Variants in WT1 observed in about 807,000 individuals in gnomAD.
WT1 encodes WT1 transcription factor.
Under a neutral mutation model 60.8 loss-of-function variants are expected in WT1, and 8 were observed. The ratio of observed to expected loss-of-function variants is 0.13; its 90% confidence interval spans 0.08 to 0.24. The LOEUF (loss-of-function observed/expected upper bound fraction) is 0.24. Among genes scored for constraint, WT1 ranks in the 10% least tolerant of loss-of-function variants. WT1 has a pLI of 1.00. For synonymous variants in WT1, 312 were observed against 297.1 expected, an observed-to-expected ratio of 1.05 and a Z score of -0.52; for missense variants, 568 against 711.8, an observed-to-expected ratio of 0.80 and a Z score of 2.30.
chr11:32,389,231 A>C (rs778830651), intron 9 of WT1, 52 bp from the exon 10 acceptor site: 1 of 1,613,500 alleles, frequency 6.2e-7, no homozygotes, highest in South Asian at 1.1e-5. Flanking sequence ...GACAGGCACA[A>C]GTTCAACTAT....
intron 3 of WT1, among the ~76,000 whole-genome samples, chr11:32,417,944 A>C (rs1026822698): frequency 6.6e-6 from 1 of 152,152 alleles, no homozygotes; most frequent in African/African-American, 2.4e-5. Context: ...TTGAGGGGAA[A>C]AGGCTAAGGG....
intron 8 of WT1, among the ~76,000 whole-genome samples, 155 bp from the exon 9 acceptor site, chr11:32,392,219 G>A (rs1240448318): frequency 6.6e-6 from 1 of 152,152 alleles, no homozygotes; most frequent in East Asian, 1.9e-4. Context: ...AGTCCCCCAG[G>A]CCCAACAAGA....
intron 6 of WT1, among the ~76,000 whole-genome samples, chr11:32,397,910 T>C (rs1457381454): frequency 6.6e-6 from 1 of 152,218 alleles, no homozygotes; most frequent in Non-Finnish European, 1.5e-5. Flanking sequence ...TGGAGTGTTT[T>C]AGAGGCCATG....
At chr11:32,432,441 C>T (rs1853344757) in intron 1 of WT1, among the ~76,000 whole-genome samples, 1 of 152,224 alleles carries the variant, frequency 6.6e-6, no homozygotes, top group South Asian at 2.1e-4. Context: ...AGGATAGCAG[C>T]CGGAGCGCTT....
intron 3 of WT1, among the ~76,000 whole-genome samples, chr11:32,426,037 G>GGCT (rs986284333): frequency 4.3e-4 from 65 of 152,282 alleles, no homozygotes; most frequent in Middle Eastern, 6.8e-3. Flanking sequence ...CCTCTTTCAA[G>GGCT]GCTGCCAGGT....
chr11:32,431,560 C>T (rs1804451615), intron 1 of WT1, among the ~76,000 whole-genome samples: 2 of 151,622 alleles, frequency 1.3e-5, no homozygotes, highest in South Asian at 4.2e-4. Context: ...CCTCAGCCTC[C>T]CGAGTAGCTG....
rs140140507 is a variant in WT1 at position 32,400,291 on chromosome 11, C to T, written c.1017-247G>A. ...TCTCGTAGGCGTGCACCGTCACGGT[C>T]TAGGTCTCGCTCAGACAAGCCGAGG... is the stretch of plus-strand genomic sequence containing the variant. On this transcript the variant is annotated intron_variant, in intron 5 of 9. Transcript: ENST00000452863. 7 of 569,812 alleles carry T rather than the reference C, an allele frequency of 1.2e-5. No homozygotes were observed. The African/African-American group carries it at 1.3e-4, about 11-fold the overall frequency. The allele number at this position is 569,812 out of a possible 1,614,324, so 35.3% of individuals were successfully genotyped here.
intron 5 of WT1, among the ~76,000 whole-genome samples, chr11:32,406,518 G>T (rs1349421941): frequency 6.6e-6 from 1 of 152,122 alleles, no homozygotes; most frequent in Non-Finnish European, 1.5e-5. Flanking sequence ...ACCACTACCG[G>T]TCCATGGCCC....
chr11:32,430,916 A>T (rs1389892820), intron 1 of WT1: 1 of 1,082,582 alleles, frequency 9.2e-7, no homozygotes, highest in East Asian at 4.4e-5. Flanking sequence ...TGGCGCGGAG[A>T]GTGCGGGGGC....
chr11:32,389,874 T>C (rs5030308), intron 9 of WT1, among the ~76,000 whole-genome samples: 3,394 of 152,324 alleles, frequency 0.022, 53 homozygotes, highest in Non-Finnish European at 0.035. Flanking sequence ...TCAGACATTC[T>C]TTCCAAGCCT....
intron 3 of WT1, among the ~76,000 whole-genome samples, chr11:32,420,623 T>C (rs1257114946): frequency 6.6e-6 from 1 of 152,052 alleles, no homozygotes; most frequent in African/African-American, 2.4e-5. Flanking sequence ...GCCCCCACCC[T>C]CACTCTGCCC....
chr11:32,427,537 G>T (rs980941071), intron 3 of WT1, among the ~76,000 whole-genome samples: 2 of 152,214 alleles, frequency 1.3e-5, no homozygotes, highest in Non-Finnish European at 2.9e-5. Context: ...GAAGGCTGTG[G>T]CCAAGGCTGT....
At chr11:32,402,069 G>C (rs1325920098) in intron 5 of WT1, among the ~76,000 whole-genome samples, 1 of 151,944 alleles carries the variant, frequency 6.6e-6, no homozygotes, top group African/African-American at 2.4e-5. Flanking sequence ...AAGAGTGTCT[G>C]CCAGGACAAC....
chr11:32,425,523 T>C (rs558837143), intron 3 of WT1, among the ~76,000 whole-genome samples: 1 of 152,360 alleles, frequency 6.6e-6, no homozygotes, highest in Admixed American at 6.5e-5. Flanking sequence ...GTAGTAATGT[T>C]GGTGCACAGA....
chr11:32,416,427 C>T (rs908622937), intron 5 of WT1, 63 bp downstream of exon 5: 6 of 1,606,890 alleles, frequency 3.7e-6, no homozygotes, highest in Non-Finnish European at 5.1e-6. Context: ...TCCTGCATTG[C>T]CCCAGGTGCC....
intron 9 of WT1, among the ~76,000 whole-genome samples, chr11:32,390,464 C>T (rs564315586): frequency 3.9e-5 from 6 of 152,346 alleles, no homozygotes; most frequent in African/African-American, 1.4e-4. Context: ...GCATCAAAGG[C>T]ACCTGAGGAA....
At position 32,434,890 on chromosome 11, in the gene WT1, G is replaced by T. The variant is rs753238865; in HGVS notation, c.471C>A (p.His157Gln). 1 of 1,611,928 alleles carries T rather than the reference G, an allele frequency of 6.2e-7. No individual in the cohort carries two copies. Among genetic ancestry groups the T allele is most frequent in the South Asian group, 1.1e-5 (1 of 90,974 alleles). The change falls in exon 1 of 10, where the codon CAC (histidine) becomes CAA (glutamine). Residue 157 changes from histidine to glutamine, a missense_variant. His to Gln is a conservative substitution (Grantham distance 24, BLOSUM62 0). Transcript: ENST00000452863. ...TGAAGGCGCTCAGGCACTGCTCCTC[G>T]TGCGGCTCCGCGCCGCCCCAGCTCG...
intron 5 of WT1, among the ~76,000 whole-genome samples, chr11:32,415,887 A>G (rs1039809511): frequency 6.6e-6 from 1 of 152,122 alleles, no homozygotes; most frequent in Non-Finnish European, 1.5e-5. Context: ...GGATGAACCA[A>G]ATAACAGGAC....
intron 7 of WT1, among the ~76,000 whole-genome samples, chr11:32,394,998 G>C (rs1226651358): frequency 6.6e-6 from 1 of 152,232 alleles, no homozygotes. Flanking sequence ...TTGGGGAAAT[G>C]TGTAAAAACA....
Sources: gnomAD v4.1 joint callset for allele counts (sites outside exome capture counted in the v4.1 genomes callset) on GRCh38, gnomAD v4.1.1 for gene constraint, MANE v1.5 for transcripts, NCBI Gene and HGNC (gene_info 2026-07-23, HGNC 2026-07-21) for gene names.